Variants in RFX2 observed in about 807,000 individuals in gnomAD.
The protein encoded by RFX2 is DNA-binding protein RFX2.
A neutral mutation model predicts 87.8 loss-of-function variants in RFX2; 20 were observed. The observed-to-expected ratio is 0.23, with a 90% CI of 0.16 to 0.33. The LOEUF is 0.33. Ranked by LOEUF, RFX2 falls within the 10% of genes least tolerant of loss-of-function variation. The probability of loss-of-function intolerance (pLI) is 1.00; values close to 1 mark genes in which losing one functional copy is unlikely to be tolerated. For synonymous variants in RFX2, 397 were observed against 431.3 expected, an observed-to-expected ratio of 0.92 and a Z score of 0.98; for missense variants, 767 against 1,012.3, an observed-to-expected ratio of 0.76 and a Z score of 3.29.
chr19:6,107,552 T>A (rs1031538734), intron 1 of RFX2, among the ~76,000 whole-genome samples: 2 of 135,750 alleles, frequency 1.5e-5, no homozygotes, highest in African/African-American at 5.9e-5. Flanking sequence ...GGGAGGTGCA[T>A]GTTAAGGTGA....
At position 6,006,993 on chromosome 19, in the gene RFX2, G is replaced by A. The variant is rs775443057; in HGVS notation, c.1402+19C>T. The A allele has an allele frequency of 1.2e-5, 20 of 1,612,712 alleles. No individual in the cohort carries two copies. The East Asian group carries it at 2.2e-4, about 18-fold the overall frequency. ...AAGAGAGGATGGAGCAGCGCCGGGC[G>A]GGGCCGTGGGTCACTTACTGGGGAC... On this transcript the variant is annotated intron_variant, in intron 12 of 17. Coordinates refer to ENST00000303657, the MANE Select transcript of RFX2 (RefSeq NM_000635.4).
At chr19:6,068,611 T>C (rs1469895764) in intron 1 of RFX2, among the ~76,000 whole-genome samples, 2 of 152,164 alleles carry the variant, frequency 1.3e-5, no homozygotes, top group Non-Finnish European at 2.9e-5. Context: ...GCTGTCCAGA[T>C]ATCCTGGGGA....
intron 1 of RFX2, among the ~76,000 whole-genome samples, chr19:6,080,542 G>A (rs1320513141): frequency 6.6e-6 from 1 of 152,152 alleles, no homozygotes; most frequent in African/African-American, 2.4e-5. Context: ...TAGAGCCAGG[G>A]GTGGTGGTGG....
chr19:6,047,377 AC>A lies in RFX2; in HGVS notation c.90+29del. The stretch of plus-strand genomic sequence containing the variant: ...TAGAGATCGCGTCCACACTGTGGCC[AC>A]CCTGTTGTTGCTGAGAGGCGCGCGT... On this transcript the variant is annotated intron_variant, in intron 2 of 17. Transcript: ENST00000303657. The surrounding 1 kb of genome is among the most constrained non-coding windows in gnomAD (Gnocchi z 4.2). The A allele has an allele frequency of 3.8e-6, 6 of 1,573,664 alleles. No homozygotes were observed. Among genetic ancestry groups the A allele is most frequent in the Non-Finnish European group, 5.2e-6 (6 of 1,154,626 alleles).
At chr19:6,046,133 G>A (rs2087186673) in intron 2 of RFX2, among the ~76,000 whole-genome samples, 2 of 152,188 alleles carry the variant, frequency 1.3e-5, no homozygotes, top group Admixed American at 6.6e-5. Context: ...GGTGCCATTC[G>A]CTTTGTATTT....
intron 1 of RFX2, among the ~76,000 whole-genome samples, chr19:6,095,875 T>A (rs143747583): frequency 9.8e-4 from 149 of 152,332 alleles, no homozygotes; most frequent in African/African-American, 3.5e-3. Context: ...AATCAAAATA[T>A]TCTGTGATGC....
intron 1 of RFX2, among the ~76,000 whole-genome samples, chr19:6,077,570 T>C (rs983494261): frequency 6.6e-6 from 1 of 152,208 alleles, no homozygotes; most frequent in Admixed American, 6.5e-5. Context: ...CCTGCAGAAG[T>C]AGACATGTGC....
chr19:6,059,102 A>T (rs1288039521), intron 1 of RFX2, among the ~76,000 whole-genome samples: 1 of 151,938 alleles, frequency 6.6e-6, no homozygotes, highest in Non-Finnish European at 1.5e-5. Context: ...GCCTTAGCCA[A>T]CCGAGTAGCT....
At chr19:6,048,718 A>C (rs769091208) in intron 1 of RFX2, among the ~76,000 whole-genome samples, 140 of 152,266 alleles carry the variant, frequency 9.2e-4, no homozygotes, top group Non-Finnish European at 1.7e-3. Context: ...AATGAGTGAA[A>C]AAAATTTTAA....
chr19:6,057,723 C>A (rs1432962769), intron 1 of RFX2, among the ~76,000 whole-genome samples: 1 of 152,134 alleles, frequency 6.6e-6, no homozygotes, highest in Non-Finnish European at 1.5e-5. Flanking sequence ...CAATTAATTT[C>A]CTCCCTCTGA....
At chr19:6,049,599 G>A (rs537530370) in intron 1 of RFX2, among the ~76,000 whole-genome samples, 4 of 152,296 alleles carry the variant, frequency 2.6e-5, no homozygotes, top group Admixed American at 2.6e-4. Context: ...GAGTGCAATG[G>A]CATGATCTTG....
chr19:6,060,411 C>A (rs997533199), intron 1 of RFX2, among the ~76,000 whole-genome samples: 1 of 152,184 alleles, frequency 6.6e-6, no homozygotes, highest in African/African-American at 2.4e-5. Context: ...CTCCAAGGAC[C>A]CACCGATCAA....
In RFX2 at chr19:6,010,180, T is replaced by A. The variant is rs1273296813; in HGVS notation, c.971A>T (p.Glu324Val). The stretch of plus-strand genomic sequence containing the variant: ...CTGGCTCTGCACGGCCATGGTCTGT[T>A]CCGGAGTGCTGTGCAGGCCGCTGTG... ...GSHSGLHSTP[E>V]QTMAVQSQHH... is the part of the protein sequence containing the mutation. Residue 324 changes from glutamate (E) to valine (V), a missense_variant, in exon 9 of 18, where the codon GAA becomes GTA. Around this residue, in one of 2 missense-constraint regions of RFX2, gnomAD observed 621 missense variants for 873.0 expected, o/e 0.71. Coordinates refer to ENST00000303657, the MANE Select transcript of RFX2 (RefSeq NM_000635.4). This position sits in a 1 kb window ranked among gnomAD's most constrained non-coding sequence, Gnocchi z 5.0. 6.5e-7 allele frequency: 1 copy of A among 1,549,018 alleles called. No homozygotes were observed. Among genetic ancestry groups the A allele is most frequent in the South Asian group, 1.2e-5 (1 of 83,978 alleles).
At chr19:6,075,935 G>A (rs1262608906) in intron 1 of RFX2, among the ~76,000 whole-genome samples, 1 of 152,242 alleles carries the variant, frequency 6.6e-6, no homozygotes, top group Non-Finnish European at 1.5e-5. Context: ...AACAGTTGGA[G>A]GATCTGGCAT....
chr19:6,074,551 A>G lies in RFX2; in HGVS notation c.-8-27047T>C. 6.6e-6 allele frequency among the ~76,000 whole-genome samples: 1 copy of G among 152,242 alleles called. No individual in the cohort carries two copies. The highest frequency in any genetic ancestry group is 1.9e-4 in the East Asian group (1 of 5,194). ...TGCCATGTGCCGGCTTCAAGTGCTG[A>G]GGACACAGCAGGGAATGAAACAGAT... On this transcript the variant is annotated intron_variant, in intron 1 of 17. Coordinates refer to ENST00000303657, the MANE Select transcript of RFX2 (RefSeq NM_000635.4). This position sits in a 1 kb window ranked among gnomAD's most constrained non-coding sequence, Gnocchi z 5.2.
chr19:6,053,537 T>C (rs1040715604), intron 1 of RFX2, among the ~76,000 whole-genome samples: 1 of 152,214 alleles, frequency 6.6e-6, no homozygotes, highest in Non-Finnish European at 1.5e-5. Context: ...CTGTAACAAA[T>C]GTACAACTCT....
intron 1 of RFX2, among the ~76,000 whole-genome samples, chr19:6,057,993 C>T (rs767850935): frequency 7.9e-5 from 12 of 152,166 alleles, no homozygotes; most frequent in East Asian, 1.9e-4. Context: ...ATCTCCTTGC[C>T]GAAAAGTGGA....
In RFX2 at chr19:6,004,220, T is replaced by C. The variant is rs1289681069; in HGVS notation, c.1481A>G (p.Gln494Arg). 1 of 1,612,862 alleles carries C rather than the reference T, an allele frequency of 6.2e-7. No homozygotes were observed. Among genetic ancestry groups the C allele is most frequent in the East Asian group, 2.2e-5 (1 of 44,756 alleles). ...WLTNAMSDFPQQVIQTKVGVV... is the reference protein window; with the variant it reads ...WLTNAMSDFPRQVIQTKVGVV... ...ACGCACCTTGGTCTGGATGACCTGT[T>C]GTGGGAAGTCACTCATGGCATTTGT... is the stretch of plus-strand genomic sequence containing the variant. The change falls in exon 13 of 18, where the codon CAA (glutamine) becomes CGA (arginine). Residue 494 changes from glutamine to arginine, a missense_variant. This residue lies in a region of RFX2 where 621 missense variants were observed against 873.0 expected (regional missense o/e 0.71). Coordinates refer to ENST00000303657, the MANE Select transcript of RFX2 (RefSeq NM_000635.4). The surrounding 1 kb of genome is among the most constrained non-coding windows in gnomAD (Gnocchi z 4.8).
intron 7 of RFX2, among the ~76,000 whole-genome samples, chr19:6,014,534 C>T (rs111480618): frequency 0.045 from 6,809 of 152,222 alleles, 505 homozygotes; most frequent in African/African-American, 0.16. Context: ...CAACCATGCC[C>T]GGCCCTTCTT....
Sources: gnomAD v4.1 joint callset for allele counts (sites outside exome capture counted in the v4.1 genomes callset) on GRCh38, gnomAD v4.1.1 for gene constraint, gnomAD v4.1.1 regional missense constraint, Gnocchi (gnomAD v3.1) non-coding constraint, MANE v1.5 for transcripts, NCBI Gene and HGNC (gene_info 2026-07-23, HGNC 2026-07-21) for gene names.